Variants in RTRAF observed in about 807,000 individuals in gnomAD.
RTRAF encodes the protein RNA transcription, translation and transport factor.
RTRAF carries 14 observed loss-of-function variants against 34.4 expected under a neutral mutation model. The ratio of observed to expected loss-of-function variants is 0.41; its 90% CI spans 0.27 to 0.64. The LOEUF (loss-of-function observed/expected upper bound fraction) is 0.64. RTRAF is among the 30% of genes least tolerant of loss of function. The probability of loss-of-function intolerance (pLI) is 0.34; values close to 1 mark genes in which losing one functional copy is unlikely to be tolerated. For missense variants in RTRAF, 291 were observed against 288.4 expected, an observed-to-expected ratio of 1.01 and a Z score of -0.06; for synonymous variants, 96 against 95.3, an observed-to-expected ratio of 1.01 and a Z score of -0.04.
chr14:52,002,579 A>T (rs1327480201), intron 6 of RTRAF, among the ~76,000 whole-genome samples: 1 of 152,220 alleles, frequency 6.6e-6, no homozygotes, highest in Non-Finnish European at 1.5e-5. Context: ...CTTCCCCTTA[A>T]AGAGAAAATA....
Position 52,004,674 on chromosome 14 carries a change from T to C in RTRAF, c.*158T>C. 1 of 635,620 alleles carries C rather than the reference T, an allele frequency of 1.6e-6. No homozygotes were observed. The highest frequency in any genetic ancestry group is 2.6e-6 in the Non-Finnish European group (1 of 389,346). 39.4% of individuals were successfully genotyped at this position (635,620 alleles called of 1,614,324 possible). A position where few individuals can be genotyped will look rare whatever the true frequency, so the allele number is the denominator to read the frequency against. On this transcript the variant is annotated 3_prime_UTR_variant, in exon 8 of 8. Coordinates refer to ENST00000261700, the MANE Select transcript of RTRAF (RefSeq NM_016039.3). ...CACCATTGCTTATTGCTTTTTTCTT[T>C]AATAAAGTTTAGGAAAGTAGAATTT...
At position 52,008,208 on chromosome 14, in the gene RTRAF, T is replaced by C. The variant is rs1258027197; in HGVS notation, c.*3692T>C. ...GGTTTCTGCCTTAGGGGCTCTCTCT[T>C]GCTCCCTTTGAGGGAAGCTGGATGC... On this transcript the variant is annotated 3_prime_UTR_variant, in exon 8 of 8. Coordinates refer to ENST00000261700, the MANE Select transcript of RTRAF (RefSeq NM_016039.3). 2 of 382,832 alleles carry C rather than the reference T, an allele frequency of 5.2e-6. No individual in the cohort carries two copies. The highest frequency in any genetic ancestry group is 4.4e-5 in the Admixed American group (1 of 22,926). The allele number at this position is 382,832 out of a possible 1,614,324, so 23.7% of individuals were successfully genotyped here.
rs1257838187 is a variant in RTRAF at position 52,005,758 on chromosome 14, C to T, written c.*1242C>T. ...TTACCTGTTGGGCAGTAGGGGTAGA[C>T]TGCAGTTATCCCGTAGAGGTGAGAT... On this transcript the variant is annotated 3_prime_UTR_variant, in exon 8 of 8. Coordinates refer to ENST00000261700, the MANE Select transcript of RTRAF (RefSeq NM_016039.3). 1 of 1,613,596 alleles carries T rather than the reference C, an allele frequency of 6.2e-7. No individual in the cohort carries two copies. Among genetic ancestry groups the T allele is most frequent in the Middle Eastern group, 1.6e-4 (1 of 6,084 alleles).
At chr14:52,001,074 A>G (rs1890594642) in intron 5 of RTRAF, among the ~76,000 whole-genome samples, 1 of 152,222 alleles carries the variant, frequency 6.6e-6, no homozygotes, top group African/African-American at 2.4e-5. Flanking sequence ...CAACCAGACT[A>G]TTTAATAACA....
intron 3 of RTRAF, among the ~76,000 whole-genome samples, chr14:51,997,216 C>T (rs984644891): frequency 1.3e-5 from 2 of 151,876 alleles, no homozygotes; most frequent in Admixed American, 6.6e-5. Flanking sequence ...AAGTTTCCCC[C>T]ACTAGTTTTA....
At chr14:52,004,325 T>C in intron 7 of RTRAF, 37 bp from the exon 8 acceptor site, 1 of 1,609,624 alleles carries the variant, frequency 6.2e-7, no homozygotes, top group African/African-American at 1.3e-5. Context: ...AATGTAAAAA[T>C]TATGTATTGA....
At chr14:51,991,723 T>C (rs1412832685) in intron 2 of RTRAF, among the ~76,000 whole-genome samples, 1 of 152,190 alleles carries the variant, frequency 6.6e-6, no homozygotes, top group Non-Finnish European at 1.5e-5. Context: ...GCTTTCCCTT[T>C]ATGGCCCAAA....
chr14:52,005,615 G>GC lies in RTRAF; in HGVS notation c.*1102dup, dbSNP rs1388929437. On this transcript the variant is annotated 3_prime_UTR_variant, in exon 8 of 8. Coordinates refer to ENST00000261700, the MANE Select transcript of RTRAF (RefSeq NM_016039.3). ...GGTAGATTTAAGGTAGTAAAGACTG[G>GC]CCCTCAGGGCAGGAAGAAGGCAATG... The GC allele has an allele frequency of 1.4e-6, 2 of 1,427,176 alleles. No individual in the cohort carries two copies. Among genetic ancestry groups the GC allele is most frequent in the African/African-American group, 2.8e-5 (2 of 71,006 alleles). 88.4% of individuals were successfully genotyped at this position (1,427,176 alleles called of 1,614,324 possible).
chr14:52,003,927 TTTG>T (rs1377990110), intron 6 of RTRAF: 4 of 444,572 alleles, frequency 9.0e-6, no homozygotes, highest in African/African-American at 8.1e-5. Context: ...GATATATTGT[TTTG>T]TATGCCTGGG....
At chr14:52,001,974 CAACTTAGAGA>C in intron 6 of RTRAF, 108 bp downstream of exon 6, 1 of 954,390 alleles carries the variant, frequency 1.0e-6, no homozygotes, top group Non-Finnish European at 1.6e-6. Context: ...CTACGTTCTA[CAACTTAGAGA>C]AAGGATAGCT....
At chr14:51,992,159 A>G (rs1479549083) in intron 2 of RTRAF, among the ~76,000 whole-genome samples, 1 of 152,138 alleles carries the variant, frequency 6.6e-6, no homozygotes, top group East Asian at 1.9e-4. Context: ...TCATTTTCCC[A>G]TTGATTTAGT....
Position 52,006,880 on chromosome 14 carries a change from T to C in RTRAF, c.*2364T>C, listed in dbSNP as rs895239683. The C allele has an allele frequency of 5.3e-6, 2 of 377,554 alleles. No homozygotes were observed. The highest frequency in any genetic ancestry group is 9.7e-6 in the Non-Finnish European group (2 of 206,656). The allele number at this position is 377,554 out of a possible 1,614,324, so 23.4% of individuals were successfully genotyped here. ...CTTTTTTGGAAGACAGGATTGCATT[T>C]ACTGAAATCTGGTAAGTTTCTGCCA... On this transcript the variant is annotated 3_prime_UTR_variant, in exon 8 of 8. Coordinates refer to ENST00000261700, the MANE Select transcript of RTRAF (RefSeq NM_016039.3).
chr14:51,991,234 A>G (rs1890429531), intron 1 of RTRAF, 83 bp from the exon 2 acceptor site: 1 of 1,392,986 alleles, frequency 7.2e-7, no homozygotes, highest in African/African-American at 1.5e-5. Context: ...AAATTCCACA[A>G]GAACATATAT....
chr14:52,006,710 A>ATGATAGTGACATAG lies in RTRAF; in HGVS notation c.*2206_*2219dup, dbSNP rs1381564230. 2 of 1,603,588 alleles carry ATGATAGTGACATAG rather than the reference A, an allele frequency of 1.2e-6. No individual in the cohort carries two copies. Among genetic ancestry groups the ATGATAGTGACATAG allele is most frequent in the East Asian group, 2.2e-5 (1 of 44,724 alleles). ...AGGTCCTTCAGCTGCTTTGCCAAAAATGATAGTGACATAGTGATAGTGACA... is the reference window on the plus strand; with the variant it reads ...AGGTCCTTCAGCTGCTTTGCCAAAAATGATAGTGACATAGTGATAGTGACATAGTGATAGTGACA... On this transcript the variant is annotated 3_prime_UTR_variant, in exon 8 of 8. Coordinates refer to ENST00000261700, the MANE Select transcript of RTRAF (RefSeq NM_016039.3).
chr14:52,005,788 GTTCTGGGAGATAC>G lies in RTRAF; in HGVS notation c.*1274_*1286del, dbSNP rs1890752991. On this transcript the variant is annotated 3_prime_UTR_variant, in exon 8 of 8. Transcript: ENST00000261700. ...GTTATCCCGTAGAGGTGAGATCGTTGTTCTGGGAGATACTCATCAGTAAACTGGCCACTATGTT... is the reference window on the plus strand; with the variant it reads ...GTTATCCCGTAGAGGTGAGATCGTTGTCATCAGTAAACTGGCCACTATGTT... 1 of 1,613,800 alleles carries G rather than the reference GTTCTGGGAGATAC, an allele frequency of 6.2e-7. No individual in the cohort carries two copies. Among genetic ancestry groups the G allele is most frequent in the Non-Finnish European group, 8.5e-7 (1 of 1,179,830 alleles).
At position 51,989,587 on chromosome 14, in the gene RTRAF, C is replaced by A. The variant is rs538270168; in HGVS notation, c.-53C>A. 2.9e-4 allele frequency: 442 copies of A among 1,546,018 alleles called. 1 individual carries two copies. Among genetic ancestry groups the A allele is most frequent in the Non-Finnish European group, 3.4e-4 (392 of 1,144,056 alleles). ...GGTGCCTGCGCCTCCCGCTCCACCT[C>A]GCTTCTTCTCTCCCGGCCGAGGCCC... On this transcript the variant is annotated 5_prime_UTR_variant, in exon 1 of 8. Coordinates refer to ENST00000261700, the MANE Select transcript of RTRAF (RefSeq NM_016039.3).
At position 52,004,629 on chromosome 14, in the gene RTRAF, G is replaced by GGTATGTTCTAGAGAT; in HGVS notation, c.*114_*128dup. ...TCGGGGGAGGAAGCCCAGAAAATTG[G>GGTATGTTCTAGAGAT]GTATGTTCTAGAGATTTACCACCAT... is the stretch of plus-strand genomic sequence containing the variant. On this transcript the variant is annotated 3_prime_UTR_variant, in exon 8 of 8. Transcript: ENST00000261700. 9.4e-7 allele frequency: 1 copy of GGTATGTTCTAGAGAT among 1,063,898 alleles called. No homozygotes were observed. Among genetic ancestry groups the GGTATGTTCTAGAGAT allele is most frequent in the Non-Finnish European group, 1.3e-6 (1 of 752,686 alleles). The allele number at this position is 1,063,898 out of a possible 1,614,324, so 65.9% of individuals were successfully genotyped here.
chr14:52,003,756 G>T (rs1890649613), intron 6 of RTRAF, among the ~76,000 whole-genome samples: 1 of 152,166 alleles, frequency 6.6e-6, no homozygotes, highest in Non-Finnish European at 1.5e-5. Context: ...TGGCTGAAAG[G>T]TTCGTACAAT....
Position 52,009,135 on chromosome 14 carries a change from G to A in RTRAF, c.*4619G>A, listed in dbSNP as rs950865437. On this transcript the variant is annotated 3_prime_UTR_variant, in exon 8 of 8. Transcript: ENST00000261700. ...AGAAACCATAGGTTTCCCCTGTTGC[G>A]AATTTCATCCCTTATGCCCAACAGA... 19 of 152,178 alleles carry A rather than the reference G, an allele frequency of 1.2e-4. No individual in the cohort carries two copies. The highest frequency in any genetic ancestry group is 2.1e-4 in the South Asian group (1 of 4,828). 9.4% of individuals were successfully genotyped at this position (152,178 alleles called of 1,614,324 possible). A position where few individuals can be genotyped will look rare whatever the true frequency, so the allele number is the denominator to read the frequency against.
Sources: gnomAD v4.1 joint callset for allele counts (sites outside exome capture counted in the v4.1 genomes callset) on GRCh38, gnomAD v4.1.1 for gene constraint, MANE v1.5 for transcripts, NCBI Gene and HGNC (gene_info 2026-07-23, HGNC 2026-07-21) for gene names.